DYSF: variants seen among roughly 807,000 people sequenced by gnomAD.
The protein encoded by DYSF is dysferlin.
A neutral mutation model predicts 274.9 loss-of-function variants in DYSF; 212 were observed. The ratio of observed to expected loss-of-function variants is 0.77; its 90% CI spans 0.69 to 0.86. The LOEUF is 0.86. Ranked by LOEUF, DYSF falls within the 40% of genes least tolerant of loss-of-function variation. The pLI, the probability that DYSF is intolerant of heterozygous loss-of-function variation, is 0.00. For synonymous variants in DYSF, 1,091 were observed against 1,078.7 expected (o/e 1.01, Z -0.22); for missense variants, 2,666 against 2,783.2 (o/e 0.96, Z 0.95).
At position 71,574,254 on chromosome 2, in the gene DYSF, G is replaced by C. The variant is rs886043890; in HGVS notation, c.3285G>C (p.Trp1095Cys). 3 of 1,613,952 alleles carry C rather than the reference G, an allele frequency of 1.9e-6. No homozygotes were observed. Among genetic ancestry groups the C allele is most frequent in the Middle Eastern group, 1.6e-4 (1 of 6,084 alleles). The stretch of plus-strand genomic sequence containing the variant: ...GGGAGTACGCCTCTCTTTTTGGCTG[G>C]AAGTTCCACCTCGAGTACCGCAAGA... ...EGWEYASLFG[W>C]KFHLEYRKTD... Residue 1095 changes from tryptophan (W) to cysteine (C), a missense_variant, in exon 30 of 56, where the codon TGG becomes TGC. This residue lies in a region of DYSF where 1,460 missense variants were observed against 1,502.1 expected (regional missense o/e 0.97). Coordinates refer to ENST00000410020, the MANE Select transcript of DYSF (RefSeq NM_001130987.2).
At chr2:71,505,817 C>T (rs182128394) in intron 4 of DYSF, among the ~76,000 whole-genome samples, 11 of 152,348 alleles carry the variant, frequency 7.2e-5, no homozygotes, top group South Asian at 2.1e-4. Flanking sequence ...CGGCATCACC[C>T]GGGCCTTAAA....
intron 1 of DYSF, among the ~76,000 whole-genome samples, chr2:71,480,446 C>G (rs2082790692): frequency 6.6e-6 from 1 of 151,978 alleles, no homozygotes; most frequent in South Asian, 2.1e-4. Flanking sequence ...CCCAGCTACT[C>G]AAGAGCCTGA....
chr2:71,485,505 A>G (rs550910030), intron 3 of DYSF, among the ~76,000 whole-genome samples: 27 of 152,256 alleles, frequency 1.8e-4, no homozygotes, highest in African/African-American at 6.5e-4. Context: ...GCAGTGAGCC[A>G]AGATCACTGG....
intron 40 of DYSF, among the ~76,000 whole-genome samples, chr2:71,613,853 C>T (rs2093824382): frequency 6.6e-6 from 1 of 152,112 alleles, no homozygotes; most frequent in Non-Finnish European, 1.5e-5. Flanking sequence ...CTTGGTGGCT[C>T]CTTGGAGACA....
chr2:71,611,290 A>G lies in DYSF; in HGVS notation c.4003A>G (p.Asn1335Asp), dbSNP rs2093753776. ...CTACCCACCACCCCAGAGGGAGGCC[A>G]ACATCTACATGGTTCCTCAGAACAT... is the stretch of plus-strand genomic sequence containing the variant. ...LPYPPPQREA[N>D]IYMVPQNIKP... The change falls in exon 37 of 56, where the codon AAC becomes GAC. Residue 1335 changes from asparagine to aspartate, a missense_variant. Around this residue, in one of 3 missense-constraint regions of DYSF, gnomAD observed 1,460 missense variants for 1,502.1 expected, o/e 0.97. Transcript: ENST00000410020. The G allele has an allele frequency of 1.9e-6, 3 of 1,614,024 alleles. No homozygotes were observed. Among genetic ancestry groups the G allele is most frequent in the Non-Finnish European group, 2.5e-6 (3 of 1,179,916 alleles).
intron 22 of DYSF, among the ~76,000 whole-genome samples, chr2:71,560,165 G>A (rs1351736502): frequency 2.0e-5 from 3 of 152,236 alleles, no homozygotes; most frequent in Non-Finnish European, 4.4e-5. Flanking sequence ...GCTTTCCTGA[G>A]GAGGGAAAGA....
At chr2:71,456,785 C>A (rs11675088) in intron 1 of DYSF, among the ~76,000 whole-genome samples, 4 of 152,170 alleles carry the variant, frequency 2.6e-5, no homozygotes, top group Non-Finnish European at 4.4e-5. Flanking sequence ...CCACCCCCAA[C>A]CCCTCATCAG....
rs775361056 is a variant in DYSF at position 71,601,478 on chromosome 2, G to C, written c.3898-21G>C. ...CTTAGGTGACAAGCACATGACCAGA[G>C]CTCTCTTTTCTTCACTCCAGCCGGC... On this transcript the variant is annotated intron_variant, in intron 34 of 55. Coordinates refer to ENST00000410020, the MANE Select transcript of DYSF (RefSeq NM_001130987.2). 5 of 1,614,044 alleles carry C rather than the reference G, an allele frequency of 3.1e-6. No individual in the cohort carries two copies. The Admixed American group carries it at 8.3e-5, about 27-fold the overall frequency.
chr2:71,519,282 A>C (rs2086981817), intron 10 of DYSF, among the ~76,000 whole-genome samples: 1 of 152,118 alleles, frequency 6.6e-6, no homozygotes, highest in African/African-American at 2.4e-5. Context: ...AGCCCAAGTC[A>C]TTCTGTAACA....
intron 30 of DYSF, among the ~76,000 whole-genome samples, chr2:71,579,022 G>A (rs553205656): frequency 2.0e-5 from 3 of 152,256 alleles, no homozygotes; most frequent in East Asian, 1.9e-4. Flanking sequence ...TCTTCCTGGC[G>A]TTCCCAGGGA....
intron 1 of DYSF, among the ~76,000 whole-genome samples, chr2:71,454,844 G>C (rs916006926): frequency 6.6e-6 from 1 of 152,122 alleles, no homozygotes; most frequent in Non-Finnish European, 1.5e-5. Context: ...GGAGCTGAGG[G>C]CTGGGCCCTG....
chr2:71,543,924 AGGAGAGGGAGAGGGAGAGGGAGAC>A (rs1362809936), intron 17 of DYSF, among the ~76,000 whole-genome samples: 4 of 139,738 alleles, frequency 2.9e-5, no homozygotes, highest in African/African-American at 1.1e-4. Context: ...GGGAGGGAGA[AGGAGAGGGAGAGGGAGAGGGAGAC>A]GGAGAGGGAG....
In DYSF at chr2:71,679,208, A is replaced by C; in HGVS notation, c.6036A>C (p.Ala2012=). 6.2e-7 allele frequency: 1 copy of C among 1,614,072 alleles called. No individual in the cohort carries two copies. The highest frequency in any genetic ancestry group is 8.5e-7 in the Non-Finnish European group (1 of 1,179,942). ...TGAAGGGCTGGTGGCCCTGTGTAGC[A>C]GAAGAGGGTGAGAAGAAAATACTGG... is the stretch of plus-strand genomic sequence containing the variant. ...KTVKGWWPCV[A]EEGEKKILAG... is the part of the protein sequence containing the mutation. The change falls in exon 53 of 56, where the codon GCA becomes GCC. Residue 2012 remains alanine (A), a synonymous_variant. Transcript: ENST00000410020.
intron 35 of DYSF, among the ~76,000 whole-genome samples, chr2:71,601,819 C>T (rs1228486242): frequency 7.9e-5 from 12 of 152,216 alleles, no homozygotes; most frequent in African/African-American, 2.9e-4. Context: ...ATTAGAATCT[C>T]CGGGACAGCA....
intron 45 of DYSF, among the ~76,000 whole-genome samples, chr2:71,662,755 G>A (rs1201434110): frequency 1.3e-5 from 2 of 149,108 alleles, no homozygotes; most frequent in Non-Finnish European, 3.0e-5. Context: ...GCGTGTATGT[G>A]CATGTGTATT....
chr2:71,621,311 G>C (rs2094093335), intron 41 of DYSF, among the ~76,000 whole-genome samples: 1 of 152,122 alleles, frequency 6.6e-6, no homozygotes, highest in African/African-American at 2.4e-5. Context: ...GGTGTCAAGA[G>C]GAGGCACTGT....
chr2:71,609,752 T>C (rs1291354092), intron 36 of DYSF, among the ~76,000 whole-genome samples: 1 of 152,210 alleles, frequency 6.6e-6, no homozygotes, highest in African/African-American at 2.4e-5. Context: ...AGGGTGTCGC[T>C]GCACAGGAGT....
At chr2:71,458,104 A>T (rs777858256) in intron 1 of DYSF, among the ~76,000 whole-genome samples, 1 of 152,146 alleles carries the variant, frequency 6.6e-6, no homozygotes, top group Non-Finnish European at 1.5e-5. Context: ...AAGTTACTTA[A>T]CCACTCTGTG....
At chr2:71,569,772 G>T (rs1426482956) in intron 26 of DYSF, 48 bp from the exon 27 acceptor site, 2 of 1,513,350 alleles carry the variant, frequency 1.3e-6, no homozygotes, top group Admixed American at 3.4e-5. Flanking sequence ...GATGGATGGG[G>T]GCCTCTCCAG....
Sources: gnomAD v4.1 joint callset for allele counts (sites outside exome capture counted in the v4.1 genomes callset) on GRCh38, gnomAD v4.1.1 for gene constraint, gnomAD v4.1.1 regional missense constraint, MANE v1.5 for transcripts, NCBI Gene and HGNC (gene_info 2026-07-23, HGNC 2026-07-21) for gene names.